The following CEP295 variants were observed in gnomAD, a reference collection of about 807,000 sequenced individuals.
The protein encoded by CEP295 is centrosomal protein of 295 kDa.
A neutral mutation model predicts 291.6 loss-of-function variants in CEP295; 190 were observed. That is an observed-to-expected ratio of 0.65 (90% confidence interval 0.58 to 0.73). CEP295 has a LOEUF of 0.73. Among genes scored for constraint, CEP295 ranks in the 30% least tolerant of loss-of-function variants. CEP295 has a pLI of 0.00. For missense variants in CEP295, 2,863 were observed against 2,949.4 expected, an observed-to-expected ratio of 0.97 and a Z score of 0.68; for synonymous variants, 993 against 1,038.8, an observed-to-expected ratio of 0.96 and a Z score of 0.85.
At chr11:93,669,636 A>G (rs1950341870) in intron 4 of CEP295, 41 bp from the exon 5 acceptor site, 1 of 1,286,358 alleles carries the variant, frequency 7.8e-7, no homozygotes, top group Non-Finnish European at 1.1e-6. Flanking sequence ...CTATAATATT[A>G]TCACTGAGAG....
intron 1 of CEP295, among the ~76,000 whole-genome samples, chr11:93,664,540 G>A (rs894419005): frequency 8.5e-5 from 13 of 152,242 alleles, no homozygotes; most frequent in Non-Finnish European, 7.4e-5. Flanking sequence ...GTCCTTTTTG[G>A]TGTTAGAGTC....
intron 17 of CEP295, among the ~76,000 whole-genome samples, chr11:93,705,219 G>GT (rs1952437994): frequency 6.6e-6 from 1 of 151,958 alleles, no homozygotes; most frequent in Non-Finnish European, 1.5e-5. Flanking sequence ...TAACAAGGGT[G>GT]TTTTTTCCCC....
chr11:93,722,097 G>A, intron 20 of CEP295, 47 bp downstream of exon 20: 1 of 1,106,228 alleles, frequency 9.0e-7, no homozygotes, highest in South Asian at 1.3e-5. Flanking sequence ...ACCGGCACCA[G>A]TTGAGTTGCA....
chr11:93,679,955 G>C (rs183545353), intron 7 of CEP295, among the ~76,000 whole-genome samples: 35 of 152,278 alleles, frequency 2.3e-4, no homozygotes, highest in Non-Finnish European at 4.3e-4. Context: ...ATAAAGTCAT[G>C]ATCCTTGCTA....
intron 18 of CEP295, among the ~76,000 whole-genome samples, chr11:93,720,489 A>AAAAATAAAAAG (rs34039567): frequency 8.2e-6 from 1 of 121,322 alleles, no homozygotes; most frequent in Non-Finnish European, 1.7e-5. Context: ...AAAAAAAAAA[A>AAAAATAAAAAG]ACTGTCTCTA....
chr11:93,727,594 C>T lies in CEP295; in HGVS notation c.7118C>T (p.Ala2373Val). 6.4e-7 allele frequency: 1 copy of T among 1,550,558 alleles called. No individual in the cohort carries two copies. Among genetic ancestry groups the T allele is most frequent in the Non-Finnish European group, 8.7e-7 (1 of 1,146,594 alleles). Residue 2373 changes from alanine to valine, a missense_variant, in exon 24 of 30, where the codon GCA (alanine) becomes GTA (valine). Around this residue, in one of 3 missense-constraint regions of CEP295, gnomAD observed 2,295 missense variants for 2,335.7 expected, o/e 0.98. Transcript: ENST00000325212. ...CAACTAGGAGAATCAGAGCTTTTTG[C>T]AAGTTCTGGATCATTTTCATTACAG... ...LSQLGESELFASSGSFSLQSS... is the reference protein window; with the variant it reads ...LSQLGESELFVSSGSFSLQSS...
At position 93,667,589 on chromosome 11, in the gene CEP295, T is replaced by C. The variant is rs781184473; in HGVS notation, c.109-18T>C. Reference sequence around the variant, plus strand: ...GTAAACCTCCTTTCATATAACCTGTTAAATATGCATTCTTTAGGTTCGAGA... The same window carrying C: ...GTAAACCTCCTTTCATATAACCTGTCAAATATGCATTCTTTAGGTTCGAGA... On this transcript the variant is annotated intron_variant, in intron 2 of 29. Transcript: ENST00000325212. 1 of 1,518,948 alleles carries C rather than the reference T, an allele frequency of 6.6e-7. No homozygotes were observed. Among genetic ancestry groups the C allele is most frequent in the Non-Finnish European group, 8.8e-7 (1 of 1,132,322 alleles). The allele number at this position is 1,518,948 out of a possible 1,614,324, so 94.1% of individuals were successfully genotyped here. A position where few individuals can be genotyped will look rare whatever the true frequency, so the allele number is the denominator to read the frequency against.
chr11:93,702,182 C>T (rs1198816074), intron 15 of CEP295, among the ~76,000 whole-genome samples: 1 of 151,956 alleles, frequency 6.6e-6, no homozygotes, highest in African/African-American at 2.4e-5. Context: ...TGGTCTTGAA[C>T]TCCTGACTTC....
chr11:93,721,550 A>T (rs779523064), intron 19 of CEP295, 138 bp downstream of exon 19: 72 of 779,326 alleles, frequency 9.2e-5, no homozygotes, highest in Non-Finnish European at 1.6e-4. Flanking sequence ...TGGATCAATG[A>T]TGAAACTAGC....
intron 1 of CEP295, among the ~76,000 whole-genome samples, 184 bp downstream of exon 1, chr11:93,661,958 C>G (rs1950007632): frequency 6.6e-6 from 1 of 152,198 alleles, no homozygotes; most frequent in Non-Finnish European, 1.5e-5. Flanking sequence ...GGGCTGGCGG[C>G]TGTAAGGAGT....
At chr11:93,721,874 C>T (rs766090209) in intron 19 of CEP295, 80 bp from the exon 20 acceptor site, 2 of 913,060 alleles carry the variant, frequency 2.2e-6, no homozygotes, top group Admixed American at 3.5e-5. Flanking sequence ...TCAGAAGTGA[C>T]AACTGCTGGG....
At chr11:93,693,181 G>T (rs1325008074) in intron 12 of CEP295, among the ~76,000 whole-genome samples, 1 of 151,514 alleles carries the variant, frequency 6.6e-6, no homozygotes, top group African/African-American at 2.4e-5. Flanking sequence ...GGAGGCTGAG[G>T]CAGGAGAATG....
At chr11:93,668,466 C>A (rs1287485921) in intron 3 of CEP295, among the ~76,000 whole-genome samples, 1 of 152,124 alleles carries the variant, frequency 6.6e-6, no homozygotes, top group African/African-American at 2.4e-5. Flanking sequence ...GTTTCCCAAA[C>A]CTCTGTTATT....
Position 93,722,987 on chromosome 11 carries a change from C to T in CEP295, c.5948-54C>T, listed in dbSNP as rs191132473. Reference sequence around the variant, plus strand: ...CCTCCCAAAGTGCTGGTATTACAGGCGTGAGCCATCACGCCTGGCCTATTT... The same window carrying T: ...CCTCCCAAAGTGCTGGTATTACAGGTGTGAGCCATCACGCCTGGCCTATTT... On this transcript the variant is annotated intron_variant, in intron 20 of 29. Coordinates refer to ENST00000325212, the MANE Select transcript of CEP295 (RefSeq NM_033395.2). 1.0e-5 allele frequency: 15 copies of T among 1,467,820 alleles called. No individual in the cohort carries two copies. In the East Asian group the frequency reaches 1.2e-4, roughly 12 times the overall value. 90.9% of individuals were successfully genotyped at this position (1,467,820 alleles called of 1,614,324 possible).
chr11:93,729,578 G>GC (rs1351948214), intron 26 of CEP295, 36 bp from the exon 27 acceptor site: 1 of 1,548,602 alleles, frequency 6.5e-7, no homozygotes, highest in Non-Finnish European at 8.7e-7. Flanking sequence ...TAGATACTTT[G>GC]CCTATTTCTG....
chr11:93,683,614 G>T lies in CEP295; in HGVS notation c.821G>T (p.Arg274Leu). ...CAGCTACAGCAAGAGGACCTGGCACGTAGGAGACAGACTGTAGCACAAATG... is the reference window on the plus strand; with the variant it reads ...CAGCTACAGCAAGAGGACCTGGCACTTAGGAGACAGACTGTAGCACAAATG... The part of the protein sequence containing the change: ...LKQLQQEDLA[R>L]RRQTVAQMPP... The change falls in exon 8 of 30, where the codon CGT (arginine) becomes CTT (leucine). Residue 274 changes from arginine (R) to leucine (L), a missense_variant. By Grantham distance (102) the Arg-to-Leu change is moderately radical. Around this residue, in one of 3 missense-constraint regions of CEP295, gnomAD observed 554 missense variants for 576.0 expected, o/e 0.96. Transcript: ENST00000325212. 6.5e-7 allele frequency: 1 copy of T among 1,546,256 alleles called. No individual in the cohort carries two copies. The highest frequency in any genetic ancestry group is 8.7e-7 in the Non-Finnish European group (1 of 1,145,794).
At chr11:93,684,251 G>A in intron 9 of CEP295, 123 bp downstream of exon 9, 1 of 681,238 alleles carries the variant, frequency 1.5e-6, no homozygotes, top group Non-Finnish European at 2.4e-6. Flanking sequence ...ACTGATGGGA[G>A]CAGTAGCTAA....
At chr11:93,721,185 T>C (rs2135308200) in intron 18 of CEP295, 127 bp from the exon 19 acceptor site, 1 of 630,396 alleles carries the variant, frequency 1.6e-6, no homozygotes, top group East Asian at 2.8e-5. Flanking sequence ...AAGACAACTT[T>C]AAGAAGCAAA....
At chr11:93,667,056 C>CT in intron 2 of CEP295, among the ~76,000 whole-genome samples, 1 of 152,196 alleles carries the variant, frequency 6.6e-6, no homozygotes, top group South Asian at 2.1e-4. Flanking sequence ...AGCTCTTTAT[C>CT]TTTTTTAAAA....
Sources: allele counts gnomAD v4.1 joint callset (sites outside exome capture counted in the v4.1 genomes callset), GRCh38; gene constraint gnomAD v4.1.1; regional missense constraint gnomAD v4.1.1; transcripts MANE v1.5; gene names NCBI Gene and HGNC (gene_info 2026-07-23, HGNC 2026-07-21).